Variants in TTC28 observed in about 807,000 individuals in gnomAD.
The protein encoded by TTC28 is tetratricopeptide repeat protein 28.
TTC28 carries 61 observed loss-of-function variants against 198.0 expected under a neutral mutation model. The observed-to-expected ratio is 0.31, with a 90% confidence interval of 0.25 to 0.38. TTC28 has a LOEUF of 0.38. Ranked by LOEUF, TTC28 falls within the 10% of genes least tolerant of loss-of-function variation. The pLI is 1.00. For missense variants in TTC28, 2,678 were observed against 3,164.0 expected (o/e 0.85, Z 3.69); for synonymous variants, 1,171 against 1,297.8 (o/e 0.90, Z 2.10).
chr22:28,415,518 A>G (rs1008380685), intron 2 of TTC28, among the ~76,000 whole-genome samples: 3 of 152,248 alleles, frequency 2.0e-5, no homozygotes, highest in African/African-American at 7.2e-5. Flanking sequence ...CAAAAGGTAA[A>G]TATGATTTGA....
intron 1 of TTC28, chr22:28,643,093 GT>G (rs1433568508): frequency 6.6e-6 from 1 of 152,234 alleles, no homozygotes; most frequent in African/African-American, 2.4e-5. Flanking sequence ...ACCTGGGCTG[GT>G]TCACCCTCCT....
intron 1 of TTC28, among the ~76,000 whole-genome samples, chr22:28,651,144 T>C (rs1374543721): frequency 6.6e-6 from 1 of 152,180 alleles, no homozygotes; most frequent in Non-Finnish European, 1.5e-5. Flanking sequence ...GTTGCCAATA[T>C]GTACTTTCAA....
intron 6 of TTC28, among the ~76,000 whole-genome samples, chr22:28,144,886 G>A (rs1943428453): frequency 6.6e-6 from 1 of 152,200 alleles, no homozygotes; most frequent in African/African-American, 2.4e-5. Context: ...AAAAGCACTG[G>A]TTTGTATTTG....
At chr22:28,322,236 C>A (rs2045458157) in intron 2 of TTC28, among the ~76,000 whole-genome samples, 1 of 152,058 alleles carries the variant, frequency 6.6e-6, no homozygotes, top group African/African-American at 2.4e-5. Context: ...CCTGTTCTTT[C>A]TTTTCCATTC....
At chr22:28,133,674 C>A (rs1943117452) in intron 6 of TTC28, among the ~76,000 whole-genome samples, 1 of 152,204 alleles carries the variant, frequency 6.6e-6, no homozygotes, top group African/African-American at 2.4e-5. Flanking sequence ...GGGGCGCCCA[C>A]CAATGCTGAG....
intron 13 of TTC28, among the ~76,000 whole-genome samples, chr22:28,015,082 C>G (rs1938310818): frequency 6.6e-6 from 1 of 152,228 alleles, no homozygotes; most frequent in Admixed American, 6.5e-5. Flanking sequence ...TTCATACTTC[C>G]AACATGGGAT....
chr22:28,614,883 G>C (rs1012215263), intron 2 of TTC28, among the ~76,000 whole-genome samples: 16 of 152,170 alleles, frequency 1.1e-4, no homozygotes, highest in African/African-American at 3.9e-4. Context: ...CATAGGCTTC[G>C]GCAAAGACTT....
intron 1 of TTC28, among the ~76,000 whole-genome samples, chr22:28,655,273 A>C (rs73170612): frequency 0.033 from 4,959 of 152,282 alleles, 115 homozygotes; most frequent in Middle Eastern, 0.061. Flanking sequence ...CTAGTATATC[A>C]ACATATCTTA....
intron 2 of TTC28, among the ~76,000 whole-genome samples, chr22:28,622,765 A>G (rs1490484350): frequency 1.3e-5 from 2 of 152,180 alleles, no homozygotes; most frequent in Non-Finnish European, 2.9e-5. Context: ...AACAGAAGAA[A>G]ATATATAATG....
At chr22:28,365,137 C>G (rs564780728) in intron 2 of TTC28, among the ~76,000 whole-genome samples, 1 of 152,326 alleles carries the variant, frequency 6.6e-6, no homozygotes, top group South Asian at 2.1e-4. Context: ...CAGCAGCCAT[C>G]AACATTGAGG....
chr22:28,401,193 G>GGAGGAGGAGGAGGATGAC lies in TTC28; in HGVS notation c.382-94568_382-94551dup, dbSNP rs1230320081. On this transcript the variant is annotated intron_variant, in intron 2 of 22. Transcript: ENST00000397906. ...GAGGAGGAGAAGGAAAAGGAGGGGG[G>GGAGGAGGAGGAGGATGAC]GAGGAGGAGGAGGATGACGATGACG... Among the ~76,000 whole-genome samples, 25 of 134,558 alleles carry GGAGGAGGAGGAGGATGAC rather than the reference G, an allele frequency of 1.9e-4. 1 individual carries two copies. The highest frequency in any genetic ancestry group is 1.5e-3 in the Admixed American group (22 of 14,414). 88.3% of individuals were successfully genotyped at this position (134,558 alleles called of 152,430 possible). A position where few individuals can be genotyped will look rare whatever the true frequency, so the allele number is the denominator to read the frequency against.
chr22:28,189,665 A>G (rs951823938), intron 5 of TTC28, among the ~76,000 whole-genome samples: 3 of 152,144 alleles, frequency 2.0e-5, no homozygotes, highest in Non-Finnish European at 4.4e-5. Flanking sequence ...TGGCTTCTCA[A>G]CAGTAACTGA....
At chr22:28,028,989 A>T (rs1442487614) in intron 13 of TTC28, 1 of 471,094 alleles carries the variant, frequency 2.1e-6, no homozygotes. Flanking sequence ...TTCACACTCT[A>T]GTTTATCACC....
At chr22:28,453,200 A>G (rs1244918290) in intron 2 of TTC28, among the ~76,000 whole-genome samples, 4 of 152,208 alleles carry the variant, frequency 2.6e-5, no homozygotes, top group Non-Finnish European at 4.4e-5. Context: ...TCCTTTCAAC[A>G]AAAACAGTCA....
intron 2 of TTC28, among the ~76,000 whole-genome samples, chr22:28,404,207 C>T (rs1275152619): frequency 2.6e-5 from 4 of 152,088 alleles, no homozygotes; most frequent in Non-Finnish European, 5.9e-5. Flanking sequence ...GCAAGCTCTG[C>T]CTCCCTGGTT....
chr22:28,621,759 A>AAAAG (rs914417906), intron 2 of TTC28, among the ~76,000 whole-genome samples: 32 of 144,856 alleles, frequency 2.2e-4, no homozygotes, highest in East Asian at 5.8e-4. Flanking sequence ...AAAAAAAAAA[A>AAAAG]AAAGAAAGAA....
intron 2 of TTC28, among the ~76,000 whole-genome samples, chr22:28,456,362 T>C (rs530546474): frequency 6.6e-5 from 10 of 152,226 alleles, no homozygotes; most frequent in African/African-American, 9.6e-5. Flanking sequence ...GAGGCTTCTT[T>C]TGGGGGGAGA....
At chr22:28,238,598 T>C (rs189675876) in intron 5 of TTC28, among the ~76,000 whole-genome samples, 2 of 152,332 alleles carry the variant, frequency 1.3e-5, no homozygotes, top group East Asian at 3.9e-4. Flanking sequence ...AAGGATGAGT[T>C]GAGCATAGCC....
At chr22:28,296,141 A>C (rs2044889982) in intron 5 of TTC28, 57 bp downstream of exon 5, 17 of 1,495,980 alleles carry the variant, frequency 1.1e-5, no homozygotes, top group Non-Finnish European at 1.5e-5. Context: ...CAGAAAATAG[A>C]GCTCCACATT....
Sources: gnomAD v4.1 joint callset for allele counts (sites outside exome capture counted in the v4.1 genomes callset) on GRCh38, gnomAD v4.1.1 for gene constraint, MANE v1.5 for transcripts, NCBI Gene and HGNC (gene_info 2026-07-23, HGNC 2026-07-21) for gene names.